Variants in HLTF observed in about 807,000 individuals in gnomAD.
The protein encoded by HLTF is DNA-dependent ATPase/E3 ubiquitin-protein ligase HLTF.
In HLTF, 127 loss-of-function variants were observed where a neutral mutation model predicts 129.4. That is an observed-to-expected ratio of 0.98 (90% confidence interval 0.85 to 1.14). The LOEUF (loss-of-function observed/expected upper bound fraction) is 1.14, where lower values mean the gene tolerates loss of function less well. Among genes scored for constraint, HLTF ranks in the 50% most tolerant of loss-of-function variants. The probability of loss-of-function intolerance (pLI) is 0.00; values close to 1 mark genes in which losing one functional copy is unlikely to be tolerated. For missense variants in HLTF, 1,139 were observed against 1,187.1 expected, an observed-to-expected ratio of 0.96 and a Z score of 0.60; for synonymous variants, 332 against 388.8, an observed-to-expected ratio of 0.85 and a Z score of 1.72.
chr3:149,032,619 A>T (rs1467238115), intron 24 of HLTF, among the ~76,000 whole-genome samples: 1 of 152,172 alleles, frequency 6.6e-6, no homozygotes, highest in Non-Finnish European at 1.5e-5. Flanking sequence ...AAGAAAAAAA[A>T]AGCAAACTAT....
At position 149,068,306 on chromosome 3, in the gene HLTF, G is replaced by T. The variant is rs774529192; in HGVS notation, c.924C>A (p.Ile308=). 1 of 1,563,762 alleles carries T rather than the reference G, an allele frequency of 6.4e-7. No homozygotes were observed. The highest frequency in any genetic ancestry group is 8.8e-7 in the Non-Finnish European group (1 of 1,139,128). ...LGKTLTAIAV[I]LTNFHDGRPL... ...GTCTGCCATCATGGAAGTTGGTAAG[G>T]ATTACTGCAATGGCCGTAAGAGTTT... Residue 308 remains isoleucine (I), a synonymous_variant, in exon 8 of 25, where the codon ATC becomes ATA. Coordinates refer to ENST00000310053, the MANE Select transcript of HLTF (RefSeq NM_003071.4).
intron 9 of HLTF, 91 bp from the exon 10 acceptor site, chr3:149,063,615 T>TG: frequency 1.4e-6 from 1 of 705,500 alleles, no homozygotes; most frequent in Admixed American, 2.3e-5. Flanking sequence ...TTCTAATTAC[T>TG]GATTTTCAGT....
At chr3:149,036,692 T>C (rs12490157) in intron 23 of HLTF, among the ~76,000 whole-genome samples, 45,023 of 151,818 alleles carry the variant, frequency 0.3, 7,461 homozygotes, top group Middle Eastern at 0.45. Flanking sequence ...TGAGGGAGGA[T>C]TGCTTGAGCT....
chr3:149,038,950 C>T, intron 23 of HLTF, 99 bp downstream of exon 23: 1 of 637,760 alleles, frequency 1.6e-6, no homozygotes, highest in Non-Finnish European at 2.5e-6. Flanking sequence ...AGAATTTTCA[C>T]AGTTAATTAT....
In HLTF at chr3:149,039,101, C is replaced by A; in HGVS notation, c.2744G>T (p.Gly915Val). 6.2e-7 allele frequency: 1 copy of A among 1,611,010 alleles called. No homozygotes were observed. The highest frequency in any genetic ancestry group is 1.1e-5 in the South Asian group (1 of 90,430). Residue 915 changes from glycine (G) to valine (V), a missense_variant, in exon 23 of 25, where the codon GGT (glycine) becomes GTT (valine). Coordinates refer to ENST00000310053, the MANE Select transcript of HLTF (RefSeq NM_003071.4). ...PTIMLLSLKA[G>V]GVGLNLSAAS... is the part of the protein sequence containing the mutation. ...TGCAGACAGATTCAAACCAACTCCA[C>A]CTGCTTTTAAGGACAGAAGCATTAT...
chr3:149,071,643 A>G lies in HLTF; in HGVS notation c.642T>C (p.Phe214=). ...CTTTTAAATCTTCAAACAATTTGTC[A>G]AATTCTGTTTTAAGCTACAATAAAC... ...QMTTEQLKTE[F]DKLFEDLKED... Residue 214 remains phenylalanine, a synonymous_variant, in exon 6 of 25, where the codon TTT becomes TTC. Transcript: ENST00000310053. The G allele has an allele frequency of 1.3e-6, 2 of 1,581,612 alleles. No homozygotes were observed. The highest frequency in any genetic ancestry group is 1.7e-6 in the Non-Finnish European group (2 of 1,155,268).
rs945190989 is a variant in HLTF, at chr3:149,075,791, T to A, written c.395+90A>T. 3 of 731,038 alleles carry A rather than the reference T, an allele frequency of 4.1e-6. No individual in the cohort carries two copies. The Admixed American group carries it at 8.7e-5, about 21-fold the overall frequency. 45.3% of individuals were successfully genotyped at this position (731,038 alleles called of 1,614,324 possible). A position where few individuals can be genotyped will look rare whatever the true frequency, so the allele number is the denominator to read the frequency against. ...AGTACAGTGATAGAAATTGTTAGCA[T>A]ACCTTTATAGGCTCTAACAAGAAGC... On this transcript the variant is annotated intron_variant, in intron 3 of 24. Transcript: ENST00000310053.
chr3:149,068,084 G>A (rs780840350), intron 8 of HLTF, among the ~76,000 whole-genome samples, 156 bp downstream of exon 8: 13 of 151,910 alleles, frequency 8.6e-5, no homozygotes, highest in Non-Finnish European at 1.8e-4. Context: ...AATGTGACAC[G>A]AACTTTCATT....
Position 149,071,596 on chromosome 3 carries a change from A to C in HLTF, c.689T>G (p.Met230Arg), listed in dbSNP as rs916765974. ...TTGGTTCAATACCTCAGCTGGTTCC[A>C]TTTCATGGGTTTTATCATCTTCTTT... The part of the protein sequence containing the change: ...DLKEDDKTHE[M>R]EPAEAIETPL... The change falls in exon 6 of 25, where the codon ATG (methionine) becomes AGG (arginine). Residue 230 changes from methionine to arginine, a missense_variant. Physicochemically the swap from Met to Arg is moderately conservative, Grantham distance 91 (BLOSUM62 -1). Transcript: ENST00000310053. 1.6e-5 allele frequency: 26 copies of C among 1,596,564 alleles called. No homozygotes were observed. The highest frequency in any genetic ancestry group is 2.1e-5 in the Non-Finnish European group (25 of 1,166,872).
In HLTF at chr3:149,039,230, C is replaced by T; in HGVS notation, c.2616-1G>A. 6.6e-7 allele frequency: 1 copy of T among 1,520,538 alleles called. No individual in the cohort carries two copies. The highest frequency in any genetic ancestry group is 8.8e-7 in the Non-Finnish European group (1 of 1,134,726). 94.2% of individuals were successfully genotyped at this position (1,520,538 alleles called of 1,614,324 possible). Reference sequence around the variant, plus strand: ...ACGAGTAAACACAAATCCAGAGGCTCTAAAGGGGGGAAGAAAAGAGACAAG... The same window carrying T: ...ACGAGTAAACACAAATCCAGAGGCTTTAAAGGGGGGAAGAAAAGAGACAAG... On this transcript the variant is annotated splice_acceptor_variant, in intron 22 of 24. Coordinates refer to ENST00000310053, the MANE Select transcript of HLTF (RefSeq NM_003071.4). LOFTEE classifies it high-confidence loss of function.
At chr3:149,063,187 G>A (rs759395566) in intron 10 of HLTF, 156 of 450,428 alleles carry the variant, frequency 3.5e-4, no homozygotes, top group Non-Finnish European at 3.5e-4. Flanking sequence ...AGCCTCCTGG[G>A]TAACTGGGAC....
At chr3:149,063,840 G>C (rs966802040) in intron 9 of HLTF, among the ~76,000 whole-genome samples, 1 of 151,982 alleles carries the variant, frequency 6.6e-6, no homozygotes, top group Non-Finnish European at 1.5e-5. Context: ...CCACAAATAG[G>C]TGCTGTTATA....
chr3:149,048,337 A>G (rs1272412638), intron 16 of HLTF, among the ~76,000 whole-genome samples, 174 bp from the exon 17 acceptor site: 1 of 152,206 alleles, frequency 6.6e-6, no homozygotes, highest in East Asian at 1.9e-4. Context: ...AAAAATATAC[A>G]CATCTCAAGA....
intron 4 of HLTF, among the ~76,000 whole-genome samples, chr3:149,073,530 C>CA (rs1719052169): frequency 1.3e-5 from 2 of 152,012 alleles, no homozygotes; most frequent in South Asian, 4.2e-4. Flanking sequence ...TCTGTCTCTA[C>CA]AAAAAATACA....
Position 149,057,191 on chromosome 3 carries a change from A to C in HLTF, c.1376-1791T>G, listed in dbSNP as rs186516566. On this transcript the variant is annotated intron_variant, in intron 13 of 24. Transcript: ENST00000310053. Reference sequence around the variant, plus strand: ...GCCTGTAATCCCAGCACTTTGGAAGACTGAGGCGGGTGGATCATGAGGTCA... The same window carrying C: ...GCCTGTAATCCCAGCACTTTGGAAGCCTGAGGCGGGTGGATCATGAGGTCA... 9.8e-3 allele frequency among the ~76,000 whole-genome samples: 1,432 copies of C among 146,256 alleles called. 22 individuals are homozygous for C. The highest frequency in any genetic ancestry group is 0.034 in the African/African-American group (1,330 of 39,398).
intron 13 of HLTF, among the ~76,000 whole-genome samples, chr3:149,057,456 G>T (rs190659860): frequency 1.3e-5 from 2 of 151,806 alleles, no homozygotes; most frequent in South Asian, 4.2e-4. Context: ...CAAAAAAACA[G>T]TATCTGCTGA....
rs1576602541 is a variant in HLTF at position 149,060,959 on chromosome 3, C to A, written c.1161-101G>T. The A allele has an allele frequency of 5.4e-5, 44 of 812,734 alleles. No individual in the cohort carries two copies. The East Asian group carries it at 1.2e-3, about 21-fold the overall frequency. 50.3% of individuals were successfully genotyped at this position (812,734 alleles called of 1,614,324 possible). A position where few individuals can be genotyped will look rare whatever the true frequency, so the allele number is the denominator to read the frequency against. ...TGCAATAAAAAACTTTTGTCCTACT[C>A]ATTTATTTTTTGAAAAATTTTTTAA... On this transcript the variant is annotated intron_variant, in intron 10 of 24. Transcript: ENST00000310053.
chr3:149,072,111 AAAAAGGCACAT>A (rs1718925901), intron 5 of HLTF, among the ~76,000 whole-genome samples: 1 of 152,222 alleles, frequency 6.6e-6, no homozygotes, highest in South Asian at 2.1e-4. Flanking sequence ...GTCAAACGCC[AAAAAGGCACAT>A]AAATCAACTC....
rs531243352 is a variant in HLTF at position 149,085,639 on chromosome 3, T to C, written c.20+678A>G. Among the ~76,000 whole-genome samples the C allele has an allele frequency of 1.4e-4, 22 of 152,312 alleles. No homozygotes were observed. The South Asian group carries it at 4.1e-3, about 29-fold the overall frequency. On this transcript the variant is annotated intron_variant, in intron 1 of 24. Transcript: ENST00000310053. ...TCCAGCATCCATCACTGTAACTCCC[T>C]GCGAGCAGAACACCTATTCTGGTAT... is the stretch of plus-strand genomic sequence containing the variant.
Sources: gnomAD v4.1 joint callset for allele counts (sites outside exome capture counted in the v4.1 genomes callset) on GRCh38, gnomAD v4.1.1 for gene constraint, MANE v1.5 for transcripts, NCBI Gene and HGNC (gene_info 2026-07-23, HGNC 2026-07-21) for gene names.